CEP63: variants seen among roughly 807,000 people sequenced by gnomAD.
The protein encoded by CEP63 is centrosomal protein 63, also known as centrosomal protein of 63 kDa.
A neutral mutation model predicts 89.1 loss-of-function variants in CEP63; 84 were observed. The observed-to-expected ratio is 0.94, with a 90% CI of 0.79 to 1.13. The LOEUF is 1.13. CEP63 is among the 50% of genes most tolerant of loss of function. The probability of loss-of-function intolerance (pLI) is 0.00; values close to 1 mark genes in which losing one functional copy is unlikely to be tolerated. For missense variants in CEP63, 838 were observed against 813.3 expected (o/e 1.03, Z -0.37); for synonymous variants, 267 against 272.5 (o/e 0.98, Z 0.20).
chr3:134,626,010 T>C, the CEP63 span, among the ~76,000 whole-genome samples: 1 of 152,198 alleles, frequency 6.6e-6, no homozygotes, highest in South Asian at 2.1e-4. Context: ...TGGCCAATGG[T>C]TAGACCAACA....
At chr3:134,703,597 G>A in the CEP63 span, among the ~76,000 whole-genome samples, 1 of 151,964 alleles carries the variant, frequency 6.6e-6, no homozygotes, top group Non-Finnish European at 1.5e-5. Context: ...ACACATGGCC[G>A]GGGGGAACAG....
intron 1 of CEP63, among the ~76,000 whole-genome samples, chr3:134,493,820 G>A (rs867295506): frequency 2.0e-5 from 3 of 152,058 alleles, no homozygotes; most frequent in Non-Finnish European, 4.4e-5. Flanking sequence ...ATTGAATTAC[G>A]TGTTGAGTAA....
At chr3:134,699,277 G>A in the CEP63 span, among the ~76,000 whole-genome samples, 1 of 152,190 alleles carries the variant, frequency 6.6e-6, no homozygotes, top group African/African-American at 2.4e-5. Flanking sequence ...GGTCAAACCC[G>A]GAGTCACCAA....
the CEP63 span, among the ~76,000 whole-genome samples, chr3:134,693,359 T>G: frequency 6.6e-6 from 1 of 152,170 alleles, no homozygotes; most frequent in Non-Finnish European, 1.5e-5. Flanking sequence ...ACAGCAAAGC[T>G]GAGGGCCAGA....
intron 6 of CEP63, among the ~76,000 whole-genome samples, chr3:134,545,162 G>A (rs2109565929): frequency 6.6e-6 from 1 of 152,130 alleles, no homozygotes; most frequent in South Asian, 2.1e-4. Context: ...ACCACGCCCA[G>A]CTAATTTTTG....
At chr3:134,733,648 G>A in the CEP63 span, among the ~76,000 whole-genome samples, 2,532 of 152,254 alleles carry the variant, frequency 0.017, 65 homozygotes, top group African/African-American at 0.058. Context: ...TGTGCCAGTG[G>A]AGGCAGAGAC....
chr3:134,613,478 C>G, the CEP63 span, among the ~76,000 whole-genome samples: 1 of 152,144 alleles, frequency 6.6e-6, no homozygotes, highest in Non-Finnish European at 1.5e-5. Context: ...GGGTGATGGC[C>G]CCTGAGCCAG....
chr3:134,759,539 A>G, the CEP63 span, among the ~76,000 whole-genome samples: 1 of 152,260 alleles, frequency 6.6e-6, no homozygotes, highest in South Asian at 2.1e-4. Context: ...GGATTTTGAA[A>G]CTCAAAACCA....
chr3:134,598,927 G>A, the CEP63 span, among the ~76,000 whole-genome samples: 1 of 152,206 alleles, frequency 6.6e-6, no homozygotes, highest in East Asian at 1.9e-4. Flanking sequence ...CCTGTCAGAG[G>A]CTGTTCTTCC....
chr3:134,763,084 T>C, the CEP63 span, among the ~76,000 whole-genome samples: 12 of 152,102 alleles, frequency 7.9e-5, no homozygotes, highest in African/African-American at 2.4e-4. Flanking sequence ...CTCTCTCTCT[T>C]TTTTTTAAAT....
the CEP63 span, among the ~76,000 whole-genome samples, chr3:134,613,806 A>G: frequency 9.8e-5 from 15 of 152,328 alleles, no homozygotes; most frequent in African/African-American, 3.1e-4. Context: ...TTCTCATGCA[A>G]AATCCTCTGT....
intron 1 of CEP63, among the ~76,000 whole-genome samples, chr3:134,487,759 A>G (rs1239577752): frequency 6.6e-6 from 1 of 152,262 alleles, no homozygotes; most frequent in African/African-American, 2.4e-5. Flanking sequence ...TCTAATGTCA[A>G]TATCCAGTCA....
chr3:134,497,749 T>A (rs1241864666), intron 2 of CEP63, among the ~76,000 whole-genome samples: 2 of 152,086 alleles, frequency 1.3e-5, no homozygotes, highest in African/African-American at 4.8e-5. Context: ...ATTTTTTTTT[T>A]AATATGGTGA....
chr3:134,754,004 T>C, the CEP63 span, among the ~76,000 whole-genome samples: 2 of 152,336 alleles, frequency 1.3e-5, no homozygotes, highest in South Asian at 4.1e-4. Context: ...CTGGCTCCTC[T>C]TTTCAGGAAG....
chr3:134,584,123 C>T (rs995060342), intron 10 of CEP63, among the ~76,000 whole-genome samples: 2 of 152,170 alleles, frequency 1.3e-5, no homozygotes, highest in Non-Finnish European at 2.9e-5. Context: ...CATCTGCAAA[C>T]AGGGACAATT....
At chr3:134,696,845 C>T in the CEP63 span, among the ~76,000 whole-genome samples, 1 of 152,144 alleles carries the variant, frequency 6.6e-6, no homozygotes, top group Admixed American at 6.5e-5. Context: ...TTTATGTGTC[C>T]ACTTTCCCAT....
chr3:134,704,882 T>C, the CEP63 span, among the ~76,000 whole-genome samples: 1 of 152,152 alleles, frequency 6.6e-6, no homozygotes, highest in Non-Finnish European at 1.5e-5. Context: ...GAGCTCTCCT[T>C]GAAGAGAGAA....
At chr3:134,650,365 A>G in the CEP63 span, among the ~76,000 whole-genome samples, 1 of 152,146 alleles carries the variant, frequency 6.6e-6, no homozygotes, top group South Asian at 2.1e-4. Context: ...AAATTGTGCA[A>G]GGCCACACAG....
chr3:134,651,093 G>C, the CEP63 span: 3 of 1,526,296 alleles, frequency 2.0e-6, no homozygotes, highest in South Asian at 1.2e-5. Context: ...CCCGCCGCTG[G>C]AGCCGCAGGG....
Sources: allele counts gnomAD v4.1 joint callset (sites outside exome capture counted in the v4.1 genomes callset), GRCh38; gene constraint gnomAD v4.1.1; transcripts MANE v1.5; gene names NCBI Gene and HGNC (gene_info 2026-07-23, HGNC 2026-07-21).